The following SLC35A3 variants were observed in gnomAD, a reference collection of about 807,000 sequenced individuals.
SLC35A3 encodes the protein UDP-N-acetylglucosamine transporter.
Under a neutral mutation model 39.0 loss-of-function variants are expected in SLC35A3, and 26 were observed. That is an observed-to-expected ratio of 0.67 (90% CI 0.49 to 0.92). The LOEUF is 0.92. SLC35A3 is among the 40% of genes least tolerant of loss of function. The pLI, the probability that SLC35A3 is intolerant of heterozygous loss-of-function variation, is 0.00. For missense variants in SLC35A3, 299 were observed against 371.6 expected, an observed-to-expected ratio of 0.80 and a Z score of 1.61; for synonymous variants, 135 against 133.1, an observed-to-expected ratio of 1.01 and a Z score of -0.10.
rs574333514 is a variant in SLC35A3 at position 100,007,039 on chromosome 1, G to T, written c.348G>T (p.Thr116=). 3 of 1,604,392 alleles carry T rather than the reference G, an allele frequency of 1.9e-6. No homozygotes were observed. The highest frequency in any genetic ancestry group is 4.5e-5 in the East Asian group (2 of 44,684). The change falls in exon 4 of 8, where the codon ACG becomes ACT. Residue 116 remains threonine, a synonymous_variant. Transcript: ENST00000533028. ...SNLDAATYQV[T]YQLKILTTAL... is the part of the protein sequence containing the mutation. The stretch of plus-strand genomic sequence containing the variant: ...ATTACTGTTTTCTTTTTCAGGTCAC[G>T]TATCAGTTAAAAATTCTTACAACAG...
chr1:99,993,589 T>C lies in SLC35A3; in HGVS notation c.35T>C (p.Ile12Thr). 6.2e-7 allele frequency: 1 copy of C among 1,614,006 alleles called. No homozygotes were observed. Among genetic ancestry groups the C allele is most frequent in the Non-Finnish European group, 8.5e-7 (1 of 1,179,942 alleles). ...FANLKYVSLG[I>T]LVFQTTSLVL... ...AACCTAAAATACGTTTCCCTGGGAATTTTGGTCTTTCAGACTACCAGTTTG... is the reference window on the plus strand; with the variant it reads ...AACCTAAAATACGTTTCCCTGGGAACTTTGGTCTTTCAGACTACCAGTTTG... The change falls in exon 2 of 8, where the codon ATT becomes ACT. Residue 12 changes from isoleucine (I) to threonine (T), a missense_variant. Physicochemically the swap from Ile to Thr is moderately conservative, Grantham distance 89. Transcript: ENST00000533028.
chr1:100,017,927 A>C (rs554934125), intron 7 of SLC35A3, 112 bp downstream of exon 7: 84 of 541,016 alleles, frequency 1.6e-4, no homozygotes, highest in Non-Finnish European at 2.3e-4. Flanking sequence ...AATTTTAAAA[A>C]TTTATTTAAC....
chr1:100,013,641 GTTA>G lies in SLC35A3; in HGVS notation c.635-1659_635-1657del, dbSNP rs912174007. Among the ~76,000 whole-genome samples, 336 of 151,194 alleles carry G rather than the reference GTTA, an allele frequency of 2.2e-3. 1 individual carries two copies. Among genetic ancestry groups the G allele is most frequent in the African/African-American group, 8.0e-3 (330 of 41,174 alleles). On this transcript the variant is annotated intron_variant, in intron 5 of 7. Transcript: ENST00000533028. Reference sequence around the variant, plus strand: ...AAAATATACATATACATATATATATGTTATATATAAAACTCTTCTGATGGTATT... The same window carrying G: ...AAAATATACATATACATATATATATGTATATAAAACTCTTCTGATGGTATT...
rs2101521385 is a variant in SLC35A3, at chr1:100,024,699, A to C, written c.*2223A>C. 2.6e-6 allele frequency: 1 copy of C among 383,922 alleles called. No homozygotes were observed. The allele number at this position is 383,922 out of a possible 1,614,324, so 23.8% of individuals were successfully genotyped here. A position where few individuals can be genotyped will look rare whatever the true frequency, so the allele number is the denominator to read the frequency against. On this transcript the variant is annotated 3_prime_UTR_variant, in exon 8 of 8. Coordinates refer to ENST00000533028, the MANE Select transcript of SLC35A3 (RefSeq NM_012243.3). ...TGTGGCGCGATCTCGGCTTACTGCA[A>C]CCTCCCACTCCCTGGTTCAAGGGAT... is the stretch of plus-strand genomic sequence containing the variant.
intron 1 of SLC35A3, among the ~76,000 whole-genome samples, chr1:99,981,187 ATGTT>A (rs995561784): frequency 2.0e-5 from 3 of 152,160 alleles, no homozygotes; most frequent in Non-Finnish European, 4.4e-5. Context: ...AAACCTTAAA[ATGTT>A]TGTTTTTTAC....
intron 1 of SLC35A3, among the ~76,000 whole-genome samples, chr1:99,971,899 T>C (rs1043573005): frequency 1.3e-5 from 2 of 152,178 alleles, no homozygotes; most frequent in Non-Finnish European, 2.9e-5. Context: ...TTTTTTCTTT[T>C]TCTTTTTCTC....
chr1:99,986,313 C>A (rs1325794306), intron 1 of SLC35A3, among the ~76,000 whole-genome samples: 1 of 151,788 alleles, frequency 6.6e-6, no homozygotes, highest in Non-Finnish European at 1.5e-5. Flanking sequence ...TACAAGCATG[C>A]ACCACCATGC....
chr1:100,014,124 C>G (rs1282537096), intron 5 of SLC35A3, among the ~76,000 whole-genome samples: 7 of 152,290 alleles, frequency 4.6e-5, no homozygotes, highest in South Asian at 2.1e-4. Flanking sequence ...AGTGAAACTT[C>G]AGTAACACAG....
rs1660953017 is a variant in SLC35A3 at position 100,027,144 on chromosome 1, C to T, written c.*4668C>T. 5.0e-6 allele frequency: 2 copies of T among 398,494 alleles called. No individual in the cohort carries two copies. The highest frequency in any genetic ancestry group is 8.8e-6 in the Non-Finnish European group (2 of 226,032). The allele number at this position is 398,494 out of a possible 1,614,324, so 24.7% of individuals were successfully genotyped here. A position where few individuals can be genotyped will look rare whatever the true frequency, so the allele number is the denominator to read the frequency against. On this transcript the variant is annotated 3_prime_UTR_variant, in exon 8 of 8. Transcript: ENST00000533028. ...TGATCTTTCTTCCTTTTCTCTAGCC[C>T]ATATTCTAGCATGAAATACTGGGTT...
intron 1 of SLC35A3, among the ~76,000 whole-genome samples, chr1:99,983,376 A>C (rs1390253903): frequency 6.6e-6 from 1 of 151,784 alleles, no homozygotes; most frequent in Non-Finnish European, 1.5e-5. Context: ...CGTCTCTACT[A>C]AAAATACAAA....
rs1383521007 is a variant in SLC35A3, at chr1:100,031,031, C to T, written c.*8555C>T. The T allele has an allele frequency of 2.0e-5, 3 of 152,104 alleles. No homozygotes were observed. Among genetic ancestry groups the T allele is most frequent in the Non-Finnish European group, 4.4e-5 (3 of 68,022 alleles). The allele number at this position is 152,104 out of a possible 1,614,324, so 9.4% of individuals were successfully genotyped here. On this transcript the variant is annotated 3_prime_UTR_variant, in exon 8 of 8. Coordinates refer to ENST00000533028, the MANE Select transcript of SLC35A3 (RefSeq NM_012243.3). ...TGGATGTTATATACACATAATGCCTCAAATTTCCATTATTTCATATTATTT... is the reference window on the plus strand; with the variant it reads ...TGGATGTTATATACACATAATGCCTTAAATTTCCATTATTTCATATTATTT...
chr1:99,972,860 T>C (rs1382684411), intron 1 of SLC35A3, among the ~76,000 whole-genome samples: 1 of 152,252 alleles, frequency 6.6e-6, no homozygotes, highest in Non-Finnish European at 1.5e-5. Context: ...TAATAAATCG[T>C]TGGTGTAGGA....
At chr1:99,971,305 T>A (rs1656798501) in intron 1 of SLC35A3, among the ~76,000 whole-genome samples, 4 of 151,748 alleles carry the variant, frequency 2.6e-5, no homozygotes, top group Non-Finnish European at 5.9e-5. Flanking sequence ...AAAATCAATA[T>A]GATTCTTTTT....
At chr1:99,979,698 T>C (rs1471556734) in intron 1 of SLC35A3, among the ~76,000 whole-genome samples, 1 of 150,306 alleles carries the variant, frequency 6.7e-6, no homozygotes, top group Non-Finnish European at 1.5e-5. Flanking sequence ...CTTCCCAAAG[T>C]GCTGGGATTA....
At chr1:100,021,827 GCAT>G (rs1250461197) in intron 7 of SLC35A3, among the ~76,000 whole-genome samples, 7 of 152,072 alleles carry the variant, frequency 4.6e-5, no homozygotes, top group Non-Finnish European at 8.8e-5. Context: ...CCTTTGTAAA[GCAT>G]CCTATAAAAA....
chr1:99,985,155 C>A (rs1326245258), intron 1 of SLC35A3, among the ~76,000 whole-genome samples: 1 of 152,128 alleles, frequency 6.6e-6, no homozygotes, highest in Non-Finnish European at 1.5e-5. Context: ...AAGCCAATGT[C>A]TAGTAGGGTT....
At chr1:99,997,866 C>A (rs7518943) in intron 2 of SLC35A3, among the ~76,000 whole-genome samples, 33,368 of 151,912 alleles carry the variant, frequency 0.22, 5,070 homozygotes, top group African/African-American at 0.43. Context: ...GATTTCCAAC[C>A]TAGATACTGG....
In SLC35A3 at chr1:100,017,669, T is replaced by C; in HGVS notation, c.754-13T>C. 1 of 1,491,548 alleles carries C rather than the reference T, an allele frequency of 6.7e-7. No individual in the cohort carries two copies. The highest frequency in any genetic ancestry group is 9.0e-7 in the Non-Finnish European group (1 of 1,114,488). The allele number at this position is 1,491,548 out of a possible 1,614,324, so 92.4% of individuals were successfully genotyped here. ...ACATGTGTGTTTTAAAAAATATTTT[T>C]TTAAAACTTCAGGCACTTGGAGGCC... On this transcript the variant is annotated splice_polypyrimidine_tract_variant and intron_variant, in intron 6 of 7. Coordinates refer to ENST00000533028, the MANE Select transcript of SLC35A3 (RefSeq NM_012243.3).
Position 100,035,215 on chromosome 1 carries a change from A to C in SLC35A3, c.*12739A>C, listed in dbSNP as rs1049978664. 1 of 152,176 alleles carries C rather than the reference A, an allele frequency of 6.6e-6. No homozygotes were observed. Among genetic ancestry groups the C allele is most frequent in the Admixed American group, 6.5e-5 (1 of 15,282 alleles). The allele number at this position is 152,176 out of a possible 1,614,324, so 9.4% of individuals were successfully genotyped here. A position where few individuals can be genotyped will look rare whatever the true frequency, so the allele number is the denominator to read the frequency against. On this transcript the variant is annotated 3_prime_UTR_variant, in exon 8 of 8. Coordinates refer to ENST00000533028, the MANE Select transcript of SLC35A3 (RefSeq NM_012243.3). ...ATCTCTAGATTATTTATAGTACTTA[A>C]TACAATGTAATGCTGTGTAGTCATA... is the stretch of plus-strand genomic sequence containing the variant.
Sources: allele counts gnomAD v4.1 joint callset (sites outside exome capture counted in the v4.1 genomes callset), GRCh38; gene constraint gnomAD v4.1.1; transcripts MANE v1.5; gene names NCBI Gene and HGNC (gene_info 2026-07-23, HGNC 2026-07-21).